The following DPH6 variants were observed in gnomAD, a reference collection of about 807,000 sequenced individuals.
The protein encoded by DPH6 is diphthamine biosynthesis 6, also known as diphthine--ammonia ligase.
Under a neutral mutation model 38.2 loss-of-function variants are expected in DPH6, and 33 were observed. The ratio of observed to expected loss-of-function variants is 0.86; its 90% CI spans 0.65 to 1.15. The LOEUF (loss-of-function observed/expected upper bound fraction) is 1.15. Ranked by LOEUF, DPH6 falls within the 50% of genes most tolerant of loss-of-function variation. DPH6 has a pLI of 0.00. For missense variants in DPH6, 325 were observed against 320.0 expected (o/e 1.02, Z -0.12); for synonymous variants, 108 against 103.0 (o/e 1.05, Z -0.30).
the DPH6 span, among the ~76,000 whole-genome samples, chr15:35,154,600 A>C: frequency 6.6e-6 from 1 of 152,224 alleles, no homozygotes; most frequent in East Asian, 1.9e-4. Context: ...TGAAATAAAA[A>C]AATGTTCTCT....
intron 5 of DPH6, among the ~76,000 whole-genome samples, chr15:35,412,915 T>A (rs569167438): frequency 1.3e-5 from 2 of 151,820 alleles, no homozygotes; most frequent in African/African-American, 4.8e-5. Context: ...GAATACATGT[T>A]ATTATACATC....
chr15:35,542,445 G>A lies in DPH6; in HGVS notation c.86C>T (p.Ala29Val). 2 of 1,577,426 alleles carry A rather than the reference G, an allele frequency of 1.3e-6. No individual in the cohort carries two copies. The highest frequency in any genetic ancestry group is 1.7e-6 in the Non-Finnish European group (2 of 1,151,598). Reference protein sequence around the residue: ...QCIAAGHQIVALANLRPAENQ... With the variant: ...QCIAAGHQIVVLANLRPAENQ... ...TTCAGCTGGTCTTAGATTTGCTAAA[G>A]CAACGATCTGATGCCCAGCAGCAAT... is the stretch of plus-strand genomic sequence containing the variant. The change falls in exon 2 of 9, where the codon GCT (alanine) becomes GTT (valine). Residue 29 changes from alanine to valine, a missense_variant. By Grantham distance (64) the Ala-to-Val change is moderately conservative (BLOSUM62 0). Transcript: ENST00000256538.
At chr15:35,419,078 C>CACACACACAT (rs1416856940) in intron 5 of DPH6, among the ~76,000 whole-genome samples, 1 of 151,648 alleles carries the variant, frequency 6.6e-6, no homozygotes, top group Non-Finnish European at 1.5e-5. Context: ...TACACACACA[C>CACACACACAT]ACACACACAC....
rs1039535854 is a variant in DPH6 at position 35,219,028 on chromosome 15, T to C, written n.1755A>G. On this transcript the variant is annotated non_coding_transcript_exon_variant, in exon 4 of 4. Coordinates refer to the DPH6 transcript ENST00000560386. ...TTAATTGAAAAGAAAGATGATACTA[T>C]TGTCTTTCATGAAGATATTTTAAAA... 3 of 152,212 alleles carry C rather than the reference T, an allele frequency of 2.0e-5. No homozygotes were observed. The South Asian group carries it at 6.2e-4, about 32-fold the overall frequency. 9.4% of individuals were successfully genotyped at this position (152,212 alleles called of 1,614,324 possible). A position where few individuals can be genotyped will look rare whatever the true frequency, so the allele number is the denominator to read the frequency against.
At chr15:35,453,981 C>A (rs1039157737) in intron 4 of DPH6, among the ~76,000 whole-genome samples, 7 of 150,268 alleles carry the variant, frequency 4.7e-5, no homozygotes, top group African/African-American at 1.7e-4. Flanking sequence ...AAAAATAATG[C>A]AGTCCAATTT....
At chr15:35,401,012 T>G in intron 6 of DPH6, 1 of 911,182 alleles carries the variant, frequency 1.1e-6, no homozygotes, top group South Asian at 1.3e-5. Flanking sequence ...AGACATTTGT[T>G]GCTGGCATTA....
At chr15:35,545,352 C>T (rs2055330245) in intron 1 of DPH6, among the ~76,000 whole-genome samples, 1 of 152,196 alleles carries the variant, frequency 6.6e-6, no homozygotes, top group South Asian at 2.1e-4. Context: ...CTTATTTAGA[C>T]ACTTAAATTT....
chr15:35,506,527 G>GGTTCCTACTTCTAC (rs1458540757), intron 3 of DPH6, among the ~76,000 whole-genome samples: 15 of 152,118 alleles, frequency 9.9e-5, no homozygotes, highest in Non-Finnish European at 1.5e-5. Flanking sequence ...AAATAAGAGG[G>GGTTCCTACTTCTAC]GTTCCTACTT....
At chr15:35,145,300 C>T in the DPH6 span, among the ~76,000 whole-genome samples, 1 of 152,156 alleles carries the variant, frequency 6.6e-6, no homozygotes, top group Middle Eastern at 3.2e-3. Context: ...CATAGATGTG[C>T]TATCTTTCAT....
At chr15:35,421,903 C>A (rs914138292) in intron 5 of DPH6, among the ~76,000 whole-genome samples, 1 of 151,900 alleles carries the variant, frequency 6.6e-6, no homozygotes. Flanking sequence ...GGCAAATAAA[C>A]AAGGTGCTGC....
the DPH6 span, among the ~76,000 whole-genome samples, chr15:35,200,404 T>C: frequency 1.3e-5 from 2 of 152,140 alleles, no homozygotes; most frequent in Admixed American, 1.3e-4. Context: ...CATTAGATAC[T>C]AGCATTGAAA....
At chr15:35,430,367 T>C (rs992202050) in intron 5 of DPH6, among the ~76,000 whole-genome samples, 1 of 150,976 alleles carries the variant, frequency 6.6e-6, no homozygotes, top group Non-Finnish European at 1.5e-5. Flanking sequence ...TTTTTGCCAC[T>C]TGATATGTTA....
chr15:35,265,441 T>C (rs1005070369), intron 3 of DPH6, among the ~76,000 whole-genome samples: 1 of 152,232 alleles, frequency 6.6e-6, no homozygotes, highest in African/African-American at 2.4e-5. Context: ...TCTTTAGGCA[T>C]TTCTTCAAAG....
intron 3 of DPH6, among the ~76,000 whole-genome samples, chr15:35,510,290 C>T (rs1283470073): frequency 1.3e-5 from 2 of 152,138 alleles, no homozygotes; most frequent in Admixed American, 6.5e-5. Context: ...GGCCAGCCTG[C>T]AGAACTTTGT....
intron 5 of DPH6, among the ~76,000 whole-genome samples, chr15:35,441,015 C>T (rs924168556): frequency 1.3e-5 from 2 of 152,090 alleles, no homozygotes; most frequent in African/African-American, 4.8e-5. Context: ...AGACACTTCT[C>T]AAAAGAAGAC....
chr15:35,473,953 TGTGTGCGC>T (rs1451087124), intron 3 of DPH6, among the ~76,000 whole-genome samples: 11 of 25,068 alleles, frequency 4.4e-4, no homozygotes, highest in Admixed American at 1.9e-3. Flanking sequence ...TGTGTGTGTG[TGTGTGCGC>T]GCGCGCGCGT....
chr15:35,410,997 G>T, intron 5 of DPH6, 101 bp from the exon 6 acceptor site: 1 of 1,007,098 alleles, frequency 9.9e-7, no homozygotes, highest in Non-Finnish European at 1.4e-6. Flanking sequence ...AAAGCAGTGT[G>T]TATATATTTT....
At position 35,468,677 on chromosome 15, in the gene DPH6, G is replaced by A. The variant is rs565591032; in HGVS notation, c.313-13857C>T. Among the ~76,000 whole-genome samples, 8 of 149,276 alleles carry A rather than the reference G, an allele frequency of 5.4e-5. No individual in the cohort carries two copies. The South Asian group carries it at 8.4e-4, about 16-fold the overall frequency. On this transcript the variant is annotated intron_variant, in intron 3 of 8. Transcript: ENST00000256538. ...AGGATTATCAGAGGTTATGGGGCAC[G>A]TAACAGAAAAAACAAGAAGGGGAAA...
At chr15:35,510,684 A>G (rs978363569) in intron 3 of DPH6, among the ~76,000 whole-genome samples, 2 of 152,146 alleles carry the variant, frequency 1.3e-5, no homozygotes, top group African/African-American at 4.8e-5. Flanking sequence ...AATTTTTTCA[A>G]CCATCATTTG....
Sources: gnomAD v4.1 joint callset for allele counts (sites outside exome capture counted in the v4.1 genomes callset) on GRCh38, gnomAD v4.1.1 for gene constraint, MANE v1.5 for transcripts, NCBI Gene and HGNC (gene_info 2026-07-23, HGNC 2026-07-21) for gene names.